STPG2: variants seen among roughly 807,000 people sequenced by gnomAD.
STPG2 encodes the protein sperm-tail PG-rich repeat-containing protein 2.
STPG2 carries 56 observed loss-of-function variants against 54.2 expected under a neutral mutation model. That is an observed-to-expected ratio of 1.03 (90% CI 0.83 to 1.29). The LOEUF is 1.29. STPG2 is among the 50% of genes most tolerant of loss of function. The pLI is 0.00. For synonymous variants in STPG2, 200 were observed against 181.8 expected, an observed-to-expected ratio of 1.10 and a Z score of -0.81; for missense variants, 596 against 544.9, an observed-to-expected ratio of 1.09 and a Z score of -0.93.
chr4:97,712,659 C>G (rs745489062), intron 10 of STPG2, 40 bp downstream of exon 10: 1 of 1,364,478 alleles, frequency 7.3e-7, no homozygotes, highest in Non-Finnish European at 9.9e-7. Context: ...GAAATTAATT[C>G]TATTCTTGTG....
intron 10 of STPG2, among the ~76,000 whole-genome samples, chr4:97,683,322 C>T (rs1205764119): frequency 6.6e-6 from 1 of 151,750 alleles, no homozygotes; most frequent in East Asian, 1.9e-4. Context: ...AATTAAGTGA[C>T]ATTTCCAGAG....
At chr4:97,739,289 T>C (rs1281802092) in intron 9 of STPG2, among the ~76,000 whole-genome samples, 2 of 151,752 alleles carry the variant, frequency 1.3e-5, no homozygotes, top group African/African-American at 4.8e-5. Context: ...CACCCTAACA[T>C]CACAATTAAA....
At chr4:97,559,204 A>G in intron 10 of STPG2, 87 bp from the exon 11 acceptor site, 1 of 841,702 alleles carries the variant, frequency 1.2e-6, no homozygotes, top group South Asian at 1.7e-5. Flanking sequence ...TTACCAAAGA[A>G]TAACGATTCT....
At chr4:97,834,039 C>T (rs1728558645) in intron 9 of STPG2, among the ~76,000 whole-genome samples, 1 of 152,106 alleles carries the variant, frequency 6.6e-6, no homozygotes, top group Non-Finnish European at 1.5e-5. Context: ...AATCATTCTA[C>T]TATAAAGACA....
At chr4:97,880,745 G>A (rs960449204) in intron 8 of STPG2, among the ~76,000 whole-genome samples, 1 of 151,896 alleles carries the variant, frequency 6.6e-6, no homozygotes, top group Non-Finnish European at 1.5e-5. Context: ...TTTGCATGCT[G>A]GTAAGAGGAG....
intron 9 of STPG2, among the ~76,000 whole-genome samples, chr4:97,804,693 C>A (rs959059089): frequency 6.6e-6 from 1 of 152,128 alleles, no homozygotes; most frequent in Non-Finnish European, 1.5e-5. Context: ...AGCATTCACT[C>A]AACATGCACT....
chr4:98,143,205 A>C lies in STPG2; in HGVS notation c.-55T>G. 1 of 1,400,426 alleles carries C rather than the reference A, an allele frequency of 7.1e-7. No homozygotes were observed. The highest frequency in any genetic ancestry group is 1.0e-6 in the Non-Finnish European group (1 of 1,000,844). The allele number at this position is 1,400,426 out of a possible 1,614,324, so 86.7% of individuals were successfully genotyped here. On this transcript the variant is annotated 5_prime_UTR_variant, in exon 1 of 11. Transcript: ENST00000295268. ...AGGGCAGGTGCCGAAAACGATAAAAACAAGGTAGCTAGAAGTGTGGAGAAA... is the reference window on the plus strand; with the variant it reads ...AGGGCAGGTGCCGAAAACGATAAAACCAAGGTAGCTAGAAGTGTGGAGAAA...
chr4:97,729,063 T>TTCTCTCTCTCTCTCTCTCTCTCTGTCTC (rs1724712284), intron 9 of STPG2, among the ~76,000 whole-genome samples: 1 of 124,844 alleles, frequency 8.0e-6, no homozygotes, highest in Non-Finnish European at 1.7e-5. Flanking sequence ...CCCCAAGAAT[T>TTCTCTCTCTCTCTCTCTCTCTCTGTCTC]TCTCTCTCTC....
At chr4:97,862,720 A>G (rs1357446863) in intron 8 of STPG2, among the ~76,000 whole-genome samples, 1 of 152,180 alleles carries the variant, frequency 6.6e-6, no homozygotes, top group Non-Finnish European at 1.5e-5. Context: ...AGCAAATGTA[A>G]AAGTACAGAA....
chr4:97,729,055 C>G (rs1724709960), intron 9 of STPG2, among the ~76,000 whole-genome samples: 1 of 134,304 alleles, frequency 7.4e-6, no homozygotes, highest in Non-Finnish European at 1.6e-5. Context: ...TGACAAGGCC[C>G]CAAGAATTTC....
chr4:97,972,397 A>G lies in STPG2; in HGVS notation c.816T>C (p.Ser272=). The G allele has an allele frequency of 1.2e-6, 2 of 1,604,524 alleles. No individual in the cohort carries two copies. Among genetic ancestry groups the G allele is most frequent in the South Asian group, 1.1e-5 (1 of 89,834 alleles). The change falls in exon 7 of 11, where the codon AGT becomes AGC. Residue 272 remains serine, a synonymous_variant. Transcript: ENST00000295268. ...GTTTCTTTGAGCAGATATTTCTAAC[A>G]CTGGCAATTATAGTATTGTTCAAGA... The part of the protein sequence containing the change: ...YNVLNNTIIA[S]VRNICSKKQK...
intron 8 of STPG2, among the ~76,000 whole-genome samples, chr4:97,903,586 T>A (rs953391004): frequency 1.1e-4 from 16 of 152,044 alleles, no homozygotes; most frequent in Non-Finnish European, 2.2e-4. Flanking sequence ...TAAGACCGAT[T>A]AACAAAAAAA....
At chr4:97,897,772 T>A (rs1449555080) in intron 8 of STPG2, among the ~76,000 whole-genome samples, 1 of 152,168 alleles carries the variant, frequency 6.6e-6, no homozygotes, top group Non-Finnish European at 1.5e-5. Flanking sequence ...CTCTTGTAAA[T>A]TTGTTTAAGT....
chr4:97,445,422 T>A (rs1449335087), intron 4 of STPG2, among the ~76,000 whole-genome samples: 1 of 152,200 alleles, frequency 6.6e-6, no homozygotes, highest in African/African-American at 2.4e-5. Flanking sequence ...GTAATTTTAT[T>A]TTTCTAACGA....
At chr4:97,637,456 A>C (rs971569225) in intron 10 of STPG2, among the ~76,000 whole-genome samples, 15 of 150,608 alleles carry the variant, frequency 1.0e-4, no homozygotes, top group East Asian at 7.8e-4. Context: ...CCTCTCTCAC[A>C]ACTCCTATTC....
At chr4:97,845,032 C>T (rs1030139821) in intron 8 of STPG2, among the ~76,000 whole-genome samples, 1 of 151,158 alleles carries the variant, frequency 6.6e-6, no homozygotes, top group Non-Finnish European at 1.5e-5. Context: ...TCTTTGCTTG[C>T]TTCTATTATC....
At chr4:97,884,258 T>C (rs1299475226) in intron 8 of STPG2, among the ~76,000 whole-genome samples, 2 of 152,142 alleles carry the variant, frequency 1.3e-5, no homozygotes, top group Non-Finnish European at 2.9e-5. Context: ...TATTATGAGC[T>C]GAAACGTGTC....
At chr4:97,941,442 G>A (rs774396280) in intron 8 of STPG2, among the ~76,000 whole-genome samples, 12 of 152,124 alleles carry the variant, frequency 7.9e-5, no homozygotes, top group South Asian at 6.2e-4. Context: ...TCAGTAAACA[G>A]ATGTTTTGTT....
chr4:97,470,943 T>C (rs1423305967), intron 4 of STPG2, among the ~76,000 whole-genome samples: 1 of 152,130 alleles, frequency 6.6e-6, no homozygotes, highest in Non-Finnish European at 1.5e-5. Context: ...TCATCTGCTT[T>C]GGTTGATCCT....
Sources: gnomAD v4.1 joint callset for allele counts (sites outside exome capture counted in the v4.1 genomes callset) on GRCh38, gnomAD v4.1.1 for gene constraint, MANE v1.5 for transcripts, NCBI Gene and HGNC (gene_info 2026-07-23, HGNC 2026-07-21) for gene names.